Variants in ZNF385D observed in about 807,000 individuals in gnomAD.
ZNF385D encodes zinc finger protein 659.
A neutral mutation model predicts 35.8 loss-of-function variants in ZNF385D; 15 were observed. The observed-to-expected ratio is 0.42, with a 90% CI of 0.28 to 0.64. The LOEUF (loss-of-function observed/expected upper bound fraction) is 0.64, where lower values mean the gene tolerates loss of function less well. Ranked by LOEUF, ZNF385D falls within the 30% of genes least tolerant of loss-of-function variation. The pLI is 0.23. For missense variants in ZNF385D, 474 were observed against 494.6 expected (o/e 0.96, Z 0.39); for synonymous variants, 212 against 186.8 (o/e 1.13, Z -1.10).
At chr3:22,278,286 G>A (rs985945020) in intron 2 of ZNF385D, among the ~76,000 whole-genome samples, 5 of 152,122 alleles carry the variant, frequency 3.3e-5, no homozygotes, top group Admixed American at 1.3e-4. Context: ...CATTGTCACC[G>A]AGTGTATCAT....
intron 3 of ZNF385D, among the ~76,000 whole-genome samples, chr3:21,929,316 C>A (rs1176130746): frequency 1.3e-5 from 2 of 151,978 alleles, no homozygotes; most frequent in African/African-American, 2.4e-5. Context: ...AGAACTTTCT[C>A]AAACTAATAA....
intron 3 of ZNF385D, among the ~76,000 whole-genome samples, chr3:21,815,906 G>A (rs1159876161): frequency 6.6e-6 from 1 of 152,112 alleles, no homozygotes; most frequent in African/African-American, 2.4e-5. Context: ...CAATATCCCT[G>A]ATGAACATCG....
At chr3:21,590,794 TA>T (rs1456075544) in intron 2 of ZNF385D, among the ~76,000 whole-genome samples, 1 of 152,126 alleles carries the variant, frequency 6.6e-6, no homozygotes, top group Non-Finnish European at 1.5e-5. Flanking sequence ...ATATTCAAAT[TA>T]ATCTCATTTC....
At chr3:22,284,411 C>T (rs1490629677) in intron 2 of ZNF385D, among the ~76,000 whole-genome samples, 1 of 151,798 alleles carries the variant, frequency 6.6e-6, no homozygotes, top group Non-Finnish European at 1.5e-5. Flanking sequence ...AGGATGGTCT[C>T]GATCTCCTGA....
intron 3 of ZNF385D, among the ~76,000 whole-genome samples, chr3:21,923,837 G>T (rs1328967064): frequency 6.6e-6 from 1 of 152,102 alleles, no homozygotes; most frequent in African/African-American, 2.4e-5. Flanking sequence ...ACTACTAGAA[G>T]GGGGAGGGAG....
At chr3:21,432,731 T>C (rs183407707) in intron 5 of ZNF385D, among the ~76,000 whole-genome samples, 2 of 151,996 alleles carry the variant, frequency 1.3e-5, no homozygotes, top group Admixed American at 1.3e-4. Flanking sequence ...GTTTAAAAAA[T>C]TCTTAGACTG....
intron 3 of ZNF385D, among the ~76,000 whole-genome samples, chr3:21,870,405 T>C (rs1697623680): frequency 6.6e-6 from 1 of 152,158 alleles, no homozygotes; most frequent in Non-Finnish European, 1.5e-5. Context: ...ATTCCAGACA[T>C]GGATGCTCTT....
At chr3:22,103,459 C>T (rs543311042) in intron 3 of ZNF385D, among the ~76,000 whole-genome samples, 2 of 152,230 alleles carry the variant, frequency 1.3e-5, no homozygotes, top group Admixed American at 6.6e-5. Flanking sequence ...AGAGATGATA[C>T]TATTTTACAA....
intron 2 of ZNF385D, among the ~76,000 whole-genome samples, chr3:22,258,571 G>C (rs1700435717): frequency 6.6e-6 from 1 of 151,452 alleles, no homozygotes; most frequent in South Asian, 2.1e-4. Flanking sequence ...TCCCAAAAAA[G>C]AATCTAAATA....
chr3:21,751,320 G>A (rs2070072421), upstream of ZNF385D: 10 of 1,067,324 alleles, frequency 9.4e-6, no homozygotes, highest in Non-Finnish European at 1.1e-5. Context: ...CTCTCGGGAA[G>A]CTTTGACGAG....
chr3:22,362,276 CTTGCA>C (rs1553657000), intron 2 of ZNF385D, among the ~76,000 whole-genome samples: 2 of 151,132 alleles, frequency 1.3e-5, no homozygotes, highest in Non-Finnish European at 2.9e-5. Flanking sequence ...TTCAGATTAA[CTTGCA>C]TTGATTTTTT....
rs1576429474 is a variant in ZNF385D, at chr3:22,164,653, G to A, written c.325+4164C>T. ...GAAACCACTTATAGTTTTTCTTCCT[G>A]GAAAAAGTCATCTCAAGTGGATAAA... is the stretch of plus-strand genomic sequence containing the variant. On this transcript the variant is annotated intron_variant, in intron 3 of 5. Coordinates refer to the ZNF385D transcript ENST00000494108. Among the ~76,000 whole-genome samples, 3 of 148,500 alleles carry A rather than the reference G, an allele frequency of 2.0e-5. No homozygotes were observed. The South Asian group carries it at 6.5e-4, about 32-fold the overall frequency.
intron 3 of ZNF385D, among the ~76,000 whole-genome samples, chr3:21,784,154 GC>G (rs1266743812): frequency 6.6e-6 from 1 of 152,038 alleles, no homozygotes; most frequent in African/African-American, 2.4e-5. Context: ...AGAGAAGTCT[GC>G]CAAGAATAAA....
intron 3 of ZNF385D, among the ~76,000 whole-genome samples, chr3:21,982,863 CT>C (rs1694561986): frequency 6.7e-6 from 1 of 148,718 alleles, no homozygotes; most frequent in Non-Finnish European, 1.5e-5. Context: ...TTTTTTTTGT[CT>C]TTAGTTCTGT....
intron 3 of ZNF385D, among the ~76,000 whole-genome samples, chr3:22,140,593 A>T (rs1704446429): frequency 6.6e-6 from 1 of 152,234 alleles, no homozygotes; most frequent in African/African-American, 2.4e-5. Context: ...TACCAAAGCC[A>T]GTTTCCTCAT....
At chr3:21,744,188 TATA>T (rs2069653109) in intron 1 of ZNF385D, among the ~76,000 whole-genome samples, 2 of 152,196 alleles carry the variant, frequency 1.3e-5, no homozygotes, top group African/African-American at 2.4e-5. Flanking sequence ...TAGGAATAAT[TATA>T]TTTTGTCTAC....
rs535749617 is a variant in ZNF385D at position 21,948,548 on chromosome 3, A to C, written c.325+220269T>G. On this transcript the variant is annotated intron_variant, in intron 3 of 5. Coordinates refer to the ZNF385D transcript ENST00000494108. ...TACCCCGCTTCTCACATCTAATATT[A>C]TATATTTGTATATGCCATTTTCGTT... Among the ~76,000 whole-genome samples the C allele has an allele frequency of 9.2e-5, 14 of 152,206 alleles. No individual in the cohort carries two copies. In the East Asian group the frequency reaches 2.7e-3, roughly 29 times the overall value.
intron 2 of ZNF385D, among the ~76,000 whole-genome samples, chr3:22,189,598 G>A (rs1166705466): frequency 1.3e-5 from 2 of 152,146 alleles, no homozygotes; most frequent in East Asian, 3.9e-4. Context: ...GGACTGGTTT[G>A]TAGATTTGCA....
intron 3 of ZNF385D, among the ~76,000 whole-genome samples, chr3:22,143,843 T>C (rs903118376): frequency 3.3e-5 from 5 of 152,202 alleles, no homozygotes; most frequent in East Asian, 1.9e-4. Flanking sequence ...TCATGTACTA[T>C]TGTAACTACA....
Sources: allele counts gnomAD v4.1 joint callset (sites outside exome capture counted in the v4.1 genomes callset), GRCh38; gene constraint gnomAD v4.1.1; transcripts MANE v1.5; gene names NCBI Gene and HGNC (gene_info 2026-07-23, HGNC 2026-07-21).